The following FREM1 variants were observed in gnomAD, a reference collection of about 807,000 sequenced individuals.
The protein encoded by FREM1 is FRAS1-related extracellular matrix protein 1.
A neutral mutation model predicts 210.1 loss-of-function variants in FREM1; 220 were observed. That is an observed-to-expected ratio of 1.05 (90% CI 0.94 to 1.17). The LOEUF (loss-of-function observed/expected upper bound fraction) is 1.17. Ranked by LOEUF, FREM1 falls within the 50% of genes most tolerant of loss-of-function variation. The pLI is 0.00. For synonymous variants in FREM1, 1,189 were observed against 980.2 expected (o/e 1.21, Z -3.98); for missense variants, 3,454 against 2,675.5 (o/e 1.29, Z -6.42).
At position 14,843,794 on chromosome 9, in the gene FREM1, TGAATCA is replaced by T. The variant is rs920536861; in HGVS notation, c.1394-1140_1394-1135del. On this transcript the variant is annotated intron_variant, in intron 8 of 36. Coordinates refer to ENST00000380880, the MANE Select transcript of FREM1 (RefSeq NM_001379081.2). ...TTCTCAAGCCTTACCCTGGACCTGC[TGAATCA>T]GAAATTCAGGGGTGGGTGGGAGGGA... 1.2e-4 allele frequency among the ~76,000 whole-genome samples: 13 copies of T among 111,678 alleles called. No individual in the cohort carries two copies. In the Admixed American group the frequency reaches 1.5e-3, roughly 13 times the overall value. The allele number at this position is 111,678 out of a possible 152,430, so 73.3% of individuals were successfully genotyped here. A position where few individuals can be genotyped will look rare whatever the true frequency, so the allele number is the denominator to read the frequency against.
At position 14,841,539 on chromosome 9, in the gene FREM1, A is replaced by C; in HGVS notation, c.1789T>G (p.Tyr597Asp). The C allele has an allele frequency of 6.2e-7, 1 of 1,612,312 alleles. No homozygotes were observed. The highest frequency in any genetic ancestry group is 1.1e-5 in the South Asian group (1 of 90,880). ...LQRDLFNGII[Y>D]YRHFGGEIFE... ...ATTTCTCCACCAAAATGACGATAATAAATGATTCCATTAAACAAATCCCTC... is the reference window on the plus strand; with the variant it reads ...ATTTCTCCACCAAAATGACGATAATCAATGATTCCATTAAACAAATCCCTC... Residue 597 changes from tyrosine (Y) to aspartate (D), a missense_variant, in exon 10 of 37, where the codon TAT becomes GAT. Physicochemically the swap from Tyr to Asp is radical, Grantham distance 160. Coordinates refer to ENST00000380880, the MANE Select transcript of FREM1 (RefSeq NM_001379081.2).
At chr9:14,810,983 G>A (rs1020510506) in intron 16 of FREM1, among the ~76,000 whole-genome samples, 1 of 152,028 alleles carries the variant, frequency 6.6e-6, no homozygotes, top group Admixed American at 6.6e-5. Context: ...TTCTTAGGTG[G>A]CCTCTAAATC....
intron 1 of FREM1, among the ~76,000 whole-genome samples, chr9:14,888,727 C>T (rs907868328): frequency 6.6e-6 from 1 of 152,210 alleles, no homozygotes; most frequent in Non-Finnish European, 1.5e-5. Flanking sequence ...GCTTCCTCTT[C>T]TCTACAATGT....
chr9:14,859,199 A>G lies in FREM1; in HGVS notation c.615T>C (p.Ser205=). Residue 205 remains serine, a synonymous_variant, in exon 4 of 37, where the codon AGT becomes AGC. Coordinates refer to ENST00000380880, the MANE Select transcript of FREM1 (RefSeq NM_001379081.2). ...ACATCATACGGGACTCTGGGAAAAA[A>G]CTGTGTGGCTGATCTCCACGAGGTT... ...PEEPRGDQPH[S]FFPESQLRAK... is the part of the protein sequence containing the mutation. 1 of 1,583,646 alleles carries G rather than the reference A, an allele frequency of 6.3e-7. No individual in the cohort carries two copies. The highest frequency in any genetic ancestry group is 1.4e-5 in the African/African-American group (1 of 73,576).
Position 14,750,144 on chromosome 9 carries a change from A to T in FREM1, c.5540T>A (p.Ile1847Asn), listed in dbSNP as rs1465183631. 6.2e-7 allele frequency: 1 copy of T among 1,613,708 alleles called. No homozygotes were observed. The highest frequency in any genetic ancestry group is 8.5e-7 in the Non-Finnish European group (1 of 1,179,796). ...AAGAATACCTCCTTTTGAGTCCAAA[A>T]TTTTCACTGCAGCTTTTGTCTTTGT... ...LGTKTKAAVK[I>N]LDSKGGQCHP... is the part of the protein sequence containing the mutation. The change falls in exon 30 of 37, where the codon ATT becomes AAT. Residue 1847 changes from isoleucine (I) to asparagine (N), a missense_variant. Transcript: ENST00000380880.
chr9:14,860,580 TACACA>T (rs1564099179), intron 3 of FREM1, among the ~76,000 whole-genome samples: 5 of 138,492 alleles, frequency 3.6e-5, no homozygotes, highest in Admixed American at 1.5e-4. Flanking sequence ...CACATATATA[TACACA>T]TATATATACA....
Position 14,851,589 on chromosome 9 carries a change from G to T in FREM1, c.847C>A (p.Pro283Thr). The T allele has an allele frequency of 6.2e-7, 1 of 1,613,226 alleles. No homozygotes were observed. Among genetic ancestry groups the T allele is most frequent in the Non-Finnish European group, 8.5e-7 (1 of 1,179,214 alleles). ...IVYKSESAWL[P>T]VYIRAGIPNQ... Reference sequence around the variant, plus strand: ...GGAATTCCAGCTCTGATATAGACAGGCAGCCACGCACTCTCTGACTTTTGA... The same window carrying T: ...GGAATTCCAGCTCTGATATAGACAGTCAGCCACGCACTCTCTGACTTTTGA... Residue 283 changes from proline (P) to threonine (T), a missense_variant, in exon 6 of 37, where the codon CCT (proline) becomes ACT (threonine). Pro to Thr is a conservative substitution (Grantham distance 38, BLOSUM62 -1). Transcript: ENST00000380880.
intron 2 of FREM1, among the ~76,000 whole-genome samples, chr9:14,868,376 G>A (rs924941881): frequency 1.4e-5 from 2 of 147,464 alleles, no homozygotes; most frequent in Non-Finnish European, 3.0e-5. Flanking sequence ...CTTCAGGAAA[G>A]AGGAGAAATT....
At position 14,770,266 on chromosome 9, in the gene FREM1, T is replaced by C. The variant is rs1019294404; in HGVS notation, c.5059+339A>G. On this transcript the variant is annotated intron_variant, in intron 26 of 36. Coordinates refer to ENST00000380880, the MANE Select transcript of FREM1 (RefSeq NM_001379081.2). ...TTTTAAAAAAAGATCTGACATCATT[T>C]AGAGTCATTTAGAATTCATGACAGA... 2.0e-5 allele frequency among the ~76,000 whole-genome samples: 3 copies of C among 152,292 alleles called. No homozygotes were observed. In the East Asian group the frequency reaches 5.8e-4, roughly 29 times the overall value.
At chr9:14,909,182 T>G (rs1818306012) in intron 1 of FREM1, among the ~76,000 whole-genome samples, 1 of 151,846 alleles carries the variant, frequency 6.6e-6, no homozygotes, top group African/African-American at 2.4e-5. Context: ...CAAGACTGGG[T>G]GCAATAGTTT....
At chr9:14,760,595 T>C (rs1845309532) in intron 27 of FREM1, among the ~76,000 whole-genome samples, 1 of 152,200 alleles carries the variant, frequency 6.6e-6, no homozygotes, top group African/African-American at 2.4e-5. Flanking sequence ...TCTTTAATCT[T>C]CATCTAGAGA....
chr9:14,772,330 G>C (rs948939724), intron 25 of FREM1, among the ~76,000 whole-genome samples: 1 of 151,966 alleles, frequency 6.6e-6, no homozygotes, highest in Non-Finnish European at 1.5e-5. Context: ...AAACCATCTC[G>C]ACCTGAGACT....
chr9:14,787,285 AC>A (rs1850568822), intron 23 of FREM1, among the ~76,000 whole-genome samples: 1 of 151,992 alleles, frequency 6.6e-6, no homozygotes, highest in South Asian at 2.1e-4. Flanking sequence ...ACAAAACAAA[AC>A]AAAAAACTGT....
intron 24 of FREM1, chr9:14,779,437 G>C (rs1849283851): frequency 1.0e-6 from 1 of 973,186 alleles, no homozygotes; most frequent in Admixed American, 6.2e-5. Flanking sequence ...ATGGGACCAG[G>C]AGCAACAAAC....
chr9:14,824,050 G>T lies in FREM1; in HGVS notation c.2144C>A (p.Ala715Asp), dbSNP rs1388738787. The stretch of plus-strand genomic sequence containing the variant: ...CTGAGTGAATGACCTCAGCTCCAGG[G>T]CCGTAGGATTCTTAACTACTTTTGG... ...SIPKVVKNPT[A>D]LELRSFTQHA... Residue 715 changes from alanine to aspartate, a missense_variant, in exon 12 of 37, where the codon GCC (alanine) becomes GAC (aspartate). Physicochemically the swap from Ala to Asp is moderately radical, Grantham distance 126. Transcript: ENST00000380880. The T allele has an allele frequency of 1.9e-6, 3 of 1,593,416 alleles. No homozygotes were observed. The highest frequency in any genetic ancestry group is 8.6e-7 in the Non-Finnish European group (1 of 1,168,512).
At chr9:14,892,245 C>A (rs1416011195) in intron 1 of FREM1, among the ~76,000 whole-genome samples, 2 of 152,136 alleles carry the variant, frequency 1.3e-5, no homozygotes, top group Non-Finnish European at 2.9e-5. Flanking sequence ...CATTATTCTG[C>A]AAACCCCAAA....
intron 21 of FREM1, among the ~76,000 whole-genome samples, chr9:14,793,304 T>C (rs1330320113): frequency 1.3e-5 from 2 of 152,270 alleles, no homozygotes; most frequent in African/African-American, 2.4e-5. Flanking sequence ...TTGACTGGCC[T>C]ACAGATGTTC....
At chr9:14,739,008 T>G (rs1399649421) in intron 36 of FREM1, among the ~76,000 whole-genome samples, 1 of 13,276 alleles carries the variant, frequency 7.5e-5, no homozygotes, top group African/African-American at 2.9e-4. Flanking sequence ...AGATTCTGTC[T>G]CAAAAAAAAA....
chr9:14,825,285 C>T (rs985463574), intron 10 of FREM1, among the ~76,000 whole-genome samples: 4 of 151,494 alleles, frequency 2.6e-5, no homozygotes, highest in African/African-American at 4.9e-5. Flanking sequence ...ATCAGGAGTT[C>T]GAGAACAGCC....
Sources: allele counts gnomAD v4.1 joint callset (sites outside exome capture counted in the v4.1 genomes callset), GRCh38; gene constraint gnomAD v4.1.1; transcripts MANE v1.5; gene names NCBI Gene and HGNC (gene_info 2026-07-23, HGNC 2026-07-21).